EPHA6: variants seen among roughly 807,000 people sequenced by gnomAD.
The protein encoded by EPHA6 is ephrin type-A receptor 6.
Under a neutral mutation model 112.0 loss-of-function variants are expected in EPHA6, and 50 were observed. The observed-to-expected ratio is 0.45, with a 90% confidence interval of 0.36 to 0.56. The LOEUF (loss-of-function observed/expected upper bound fraction) is 0.56. EPHA6 is among the 20% of genes least tolerant of loss of function. The pLI, the probability that EPHA6 is intolerant of heterozygous loss-of-function variation, is 0.00. For synonymous variants in EPHA6, 529 were observed against 490.7 expected (o/e 1.08, Z -1.03); for missense variants, 1,280 against 1,417.4 (o/e 0.90, Z 1.56).
intron 2 of EPHA6, among the ~76,000 whole-genome samples, chr3:96,911,907 T>C (rs1266128943): frequency 6.6e-6 from 1 of 151,974 alleles, no homozygotes. Flanking sequence ...ATTGTTTGCT[T>C]TTTTTTACCT....
At chr3:97,735,846 C>A (rs2035229048) in intron 15 of EPHA6, 79 bp from the exon 16 acceptor site, 1 of 1,097,538 alleles carries the variant, frequency 9.1e-7, no homozygotes, top group Non-Finnish European at 1.3e-6. Flanking sequence ...TTGGCTTCTT[C>A]TGCTTGTAAA....
intron 10 of EPHA6, among the ~76,000 whole-genome samples, chr3:97,507,377 G>T (rs776563855): frequency 2.6e-5 from 4 of 152,084 alleles, no homozygotes; most frequent in Non-Finnish European, 5.9e-5. Flanking sequence ...GCATGAAGGA[G>T]TGTCGAATTT....
At chr3:97,345,243 A>ATGTT (rs2083480044) in intron 5 of EPHA6, among the ~76,000 whole-genome samples, 1 of 152,174 alleles carries the variant, frequency 6.6e-6, no homozygotes, top group Non-Finnish European at 1.5e-5. Context: ...TGCTTAGAGG[A>ATGTT]TGTTTTGATA....
intron 11 of EPHA6, among the ~76,000 whole-genome samples, chr3:97,547,160 GT>G (rs2092962790): frequency 6.6e-6 from 1 of 152,150 alleles, no homozygotes; most frequent in South Asian, 2.1e-4. Flanking sequence ...AGAGTTTCCA[GT>G]TTTTCTGCTC....
chr3:96,857,894 C>A (rs888361103), intron 1 of EPHA6, among the ~76,000 whole-genome samples: 4 of 152,062 alleles, frequency 2.6e-5, no homozygotes, highest in Non-Finnish European at 4.4e-5. Flanking sequence ...GGTTTAATGA[C>A]CCAATAACCA....
At chr3:97,738,264 C>G (rs559249896) in intron 16 of EPHA6, among the ~76,000 whole-genome samples, 5 of 151,468 alleles carry the variant, frequency 3.3e-5, no homozygotes, top group Admixed American at 2.6e-4. Context: ...CTTGGTCATG[C>G]TGTAGTATTG....
chr3:97,518,453 ATT>A (rs954554562), intron 10 of EPHA6, among the ~76,000 whole-genome samples: 1 of 146,104 alleles, frequency 6.8e-6, no homozygotes, highest in African/African-American at 2.5e-5. Context: ...AGACATACTG[ATT>A]TTTTTTTTTC....
rs2034470446 is a variant in EPHA6, at chr3:97,720,353, C to G, written c.2877C>G (p.Val959=). The change falls in exon 15 of 18, where the codon GTC becomes GTG. Residue 959 remains valine, a synonymous_variant. Transcript: ENST00000389672. ...SASDAWSYGI[V]MWEVMSYGER... ...GCGATGCATGGAGCTATGGCATTGT[C>G]ATGTGGGAGGTCATGTCCTATGGAG... 6.2e-7 allele frequency: 1 copy of G among 1,611,254 alleles called. No individual in the cohort carries two copies. Among genetic ancestry groups the G allele is most frequent in the Non-Finnish European group, 8.5e-7 (1 of 1,178,846 alleles).
chr3:96,814,957 C>T lies in EPHA6; in HGVS notation c.334C>T (p.Pro112Ser), dbSNP rs2032640973. The change falls in exon 1 of 18, where the codon CCT (proline) becomes TCT (serine). Residue 112 changes from proline (P) to serine (S), a missense_variant. This residue lies in a region of EPHA6 where 220 missense variants were observed against 171.5 expected (regional missense o/e 1.28). Coordinates refer to ENST00000389672, the MANE Select transcript of EPHA6 (RefSeq NM_001080448.3). ...EFLLQFGFFLPLLTAWPGDCS... is the reference protein window; with the variant it reads ...EFLLQFGFFLSLLTAWPGDCS... ...TCTTTTGCAATTTGGTTTCTTCTTG[C>T]CTCTGCTGACAGCGTGGCCAGGCGA... The T allele has an allele frequency of 1.9e-6, 3 of 1,548,414 alleles. No homozygotes were observed. In the East Asian group the frequency reaches 7.3e-5, roughly 38 times the overall value.
chr3:97,036,731 A>G (rs1021121142), intron 3 of EPHA6, among the ~76,000 whole-genome samples: 1 of 152,038 alleles, frequency 6.6e-6, no homozygotes. Flanking sequence ...TTTCATCACC[A>G]TAAAATATGG....
intron 3 of EPHA6, among the ~76,000 whole-genome samples, chr3:97,107,654 G>T (rs1246479902): frequency 6.6e-6 from 1 of 151,920 alleles, no homozygotes; most frequent in Non-Finnish European, 1.5e-5. Context: ...TTTTAATGTT[G>T]TTTCTATTTG....
At chr3:97,664,931 C>T (rs2094195134) in intron 14 of EPHA6, among the ~76,000 whole-genome samples, 1 of 152,292 alleles carries the variant, frequency 6.6e-6, no homozygotes, top group South Asian at 2.1e-4. Flanking sequence ...CCCCATCAAG[C>T]TACCAATGAC....
At chr3:97,080,722 T>G (rs2046693349) in intron 3 of EPHA6, among the ~76,000 whole-genome samples, 1 of 152,084 alleles carries the variant, frequency 6.6e-6, no homozygotes, top group Non-Finnish European at 1.5e-5. Context: ...CATACAATGT[T>G]TCATATGTAT....
chr3:97,570,915 C>G (rs2093326620), intron 11 of EPHA6, among the ~76,000 whole-genome samples: 1 of 152,092 alleles, frequency 6.6e-6, no homozygotes, highest in Non-Finnish European at 1.5e-5. Context: ...TAATCCCCTT[C>G]CACCAGCACT....
At chr3:97,607,989 T>C (rs1469789137) in intron 12 of EPHA6, among the ~76,000 whole-genome samples, 1 of 151,128 alleles carries the variant, frequency 6.6e-6, no homozygotes, top group Admixed American at 6.6e-5. Flanking sequence ...GATTATAAAA[T>C]GTAATCATGG....
intron 2 of EPHA6, among the ~76,000 whole-genome samples, chr3:96,907,127 A>G (rs1489280254): frequency 1.3e-5 from 2 of 151,946 alleles, no homozygotes; most frequent in African/African-American, 4.8e-5. Flanking sequence ...AAAAAAACAT[A>G]TATACAATGG....
Position 97,602,053 on chromosome 3 carries a change from C to G in EPHA6, c.2513-8740C>G, listed in dbSNP as rs181840076. Among the ~76,000 whole-genome samples, 467 of 152,124 alleles carry G rather than the reference C, an allele frequency of 3.1e-3. 2 individuals are homozygous for G. Among genetic ancestry groups the G allele is most frequent in the South Asian group, 0.016 (78 of 4,820 alleles). Reference sequence around the variant, plus strand: ...CTCTTAAAATATTCAGGATGTAACACTTTCTCTAGTGTCTTCCCCAGAGTT... The same window carrying G: ...CTCTTAAAATATTCAGGATGTAACAGTTTCTCTAGTGTCTTCCCCAGAGTT... On this transcript the variant is annotated intron_variant, in intron 12 of 17. Transcript: ENST00000389672.
chr3:97,201,571 A>G (rs1160224089), intron 3 of EPHA6, among the ~76,000 whole-genome samples: 1 of 152,006 alleles, frequency 6.6e-6, no homozygotes, highest in African/African-American at 2.4e-5. Flanking sequence ...TAAAGTGAAC[A>G]TCTCTACAAA....
At chr3:96,929,168 AG>A (rs1317856449) in intron 2 of EPHA6, among the ~76,000 whole-genome samples, 1 of 152,184 alleles carries the variant, frequency 6.6e-6, no homozygotes, top group Non-Finnish European at 1.5e-5. Flanking sequence ...AAGTGGTTAG[AG>A]TTTAGGGCAC....
Sources: gnomAD v4.1 joint callset for allele counts (sites outside exome capture counted in the v4.1 genomes callset) on GRCh38, gnomAD v4.1.1 for gene constraint, gnomAD v4.1.1 regional missense constraint, MANE v1.5 for transcripts, NCBI Gene and HGNC (gene_info 2026-07-23, HGNC 2026-07-21) for gene names.